Variants in CACNA2D3 observed in about 807,000 individuals in gnomAD.
The protein encoded by CACNA2D3 is voltage-dependent calcium channel subunit alpha-2/delta-3.
CACNA2D3 carries 60 observed loss-of-function variants against 160.6 expected under a neutral mutation model. That is an observed-to-expected ratio of 0.37 (90% confidence interval 0.30 to 0.46). The LOEUF (loss-of-function observed/expected upper bound fraction) is 0.46, where lower values mean the gene tolerates loss of function less well. CACNA2D3 is among the 20% of genes least tolerant of loss of function. The pLI is 1.00. For synonymous variants in CACNA2D3, 558 were observed against 492.9 expected (o/e 1.13, Z -1.75); for missense variants, 1,205 against 1,365.0 (o/e 0.88, Z 1.85).
At chr3:54,699,761 T>A (rs1559552879) in intron 11 of CACNA2D3, among the ~76,000 whole-genome samples, 1 of 152,176 alleles carries the variant, frequency 6.6e-6, no homozygotes, top group Non-Finnish European at 1.5e-5. Flanking sequence ...ATAGTAATAT[T>A]GACTTCATCC....
intron 2 of CACNA2D3, among the ~76,000 whole-genome samples, chr3:54,143,844 C>G (rs1285042628): frequency 1.3e-5 from 2 of 152,056 alleles, no homozygotes; most frequent in South Asian, 2.1e-4. Flanking sequence ...TTTTCTTTTG[C>G]TTACATGTAT....
chr3:54,755,417 A>G (rs1204651563), intron 12 of CACNA2D3, among the ~76,000 whole-genome samples: 2 of 152,150 alleles, frequency 1.3e-5, no homozygotes, highest in African/African-American at 4.8e-5. Flanking sequence ...TTCTTTAATT[A>G]TCTGCTTCTA....
intron 27 of CACNA2D3, among the ~76,000 whole-genome samples, chr3:54,909,648 T>A (rs1013111442): frequency 2.0e-5 from 3 of 147,028 alleles, no homozygotes; most frequent in African/African-American, 8.0e-5. Flanking sequence ...TTGTGATTTT[T>A]TTTTTTTTTT....
At chr3:54,860,328 C>G (rs1008762957) in intron 17 of CACNA2D3, among the ~76,000 whole-genome samples, 2 of 152,140 alleles carry the variant, frequency 1.3e-5, no homozygotes, top group Non-Finnish European at 2.9e-5. Flanking sequence ...TTAAAATATT[C>G]TGATTCTTCC....
intron 27 of CACNA2D3, among the ~76,000 whole-genome samples, chr3:54,940,650 G>A (rs1701442166): frequency 6.6e-6 from 1 of 151,240 alleles, no homozygotes; most frequent in Non-Finnish European, 1.5e-5. Flanking sequence ...TTTTCTGGGT[G>A]TGAATGCCTA....
chr3:54,664,465 T>C (rs1700028441), intron 11 of CACNA2D3, among the ~76,000 whole-genome samples: 1 of 152,236 alleles, frequency 6.6e-6, no homozygotes, highest in Admixed American at 6.5e-5. Flanking sequence ...GCTGGATTGC[T>C]TACTCCTCAC....
At chr3:54,265,655 TAGTGTATATATATAG>T (rs1559901404) in intron 2 of CACNA2D3, among the ~76,000 whole-genome samples, 1 of 70,020 alleles carries the variant, frequency 1.4e-5, no homozygotes, top group African/African-American at 4.7e-5. Flanking sequence ...TGTATATATA[TAGTGTATATATATAG>T]TGTGTGTATA....
intron 11 of CACNA2D3, among the ~76,000 whole-genome samples, chr3:54,715,639 G>T (rs1230108439): frequency 1.3e-5 from 2 of 152,038 alleles, no homozygotes; most frequent in Non-Finnish European, 2.9e-5. Context: ...CATCTCGTTA[G>T]CATACAAAAG....
chr3:54,296,192 G>A (rs939864663), intron 2 of CACNA2D3, among the ~76,000 whole-genome samples: 23 of 152,228 alleles, frequency 1.5e-4, no homozygotes, highest in African/African-American at 5.5e-4. Flanking sequence ...AGATGGATGT[G>A]AATTGAACTT....
chr3:54,261,222 T>A (rs1247955251), intron 2 of CACNA2D3, among the ~76,000 whole-genome samples: 2 of 152,244 alleles, frequency 1.3e-5, no homozygotes, highest in African/African-American at 4.8e-5. Context: ...TGGAATGGAA[T>A]ATTCACATGG....
intron 10 of CACNA2D3, among the ~76,000 whole-genome samples, chr3:54,636,642 G>A (rs527704810): frequency 1.4e-4 from 22 of 152,106 alleles, no homozygotes; most frequent in Non-Finnish European, 2.6e-4. Flanking sequence ...TACAGGGTGT[G>A]GTCCTGGCTC....
chr3:54,419,415 A>C (rs1195768643), intron 4 of CACNA2D3, among the ~76,000 whole-genome samples: 1 of 152,246 alleles, frequency 6.6e-6, no homozygotes, highest in Admixed American at 6.5e-5. Context: ...GTTGTTTTAC[A>C]CAAGTACCTT....
At chr3:54,270,937 T>C (rs538578436) in intron 2 of CACNA2D3, among the ~76,000 whole-genome samples, 3 of 152,356 alleles carry the variant, frequency 2.0e-5, no homozygotes, top group East Asian at 3.9e-4. Context: ...GAGGAAGCTC[T>C]CTGCTTTTAA....
intron 13 of CACNA2D3, among the ~76,000 whole-genome samples, chr3:54,792,804 G>T (rs1162856994): frequency 6.6e-6 from 1 of 152,120 alleles, no homozygotes; most frequent in Non-Finnish European, 1.5e-5. Context: ...TGATTGGCCA[G>T]GCAGGAGTCG....
chr3:54,744,137 T>C (rs764105939), intron 11 of CACNA2D3, among the ~76,000 whole-genome samples: 6 of 152,292 alleles, frequency 3.9e-5, no homozygotes, highest in Admixed American at 6.5e-5. Flanking sequence ...TCACTTCTGA[T>C]ATGACTATTC....
At chr3:54,255,849 A>G (rs1267996992) in intron 2 of CACNA2D3, among the ~76,000 whole-genome samples, 1 of 152,178 alleles carries the variant, frequency 6.6e-6, no homozygotes, top group African/African-American at 2.4e-5. Context: ...AGTCTTTTCT[A>G]AACACATTAC....
At chr3:54,168,076 T>C (rs971866065) in intron 2 of CACNA2D3, among the ~76,000 whole-genome samples, 5 of 152,220 alleles carry the variant, frequency 3.3e-5, no homozygotes, top group East Asian at 1.9e-4. Flanking sequence ...TTTCTTTCTT[T>C]CTTTCCTTTC....
intron 29 of CACNA2D3, among the ~76,000 whole-genome samples, chr3:54,983,937 A>G (rs1702559131): frequency 6.6e-6 from 1 of 152,138 alleles, no homozygotes; most frequent in Non-Finnish European, 1.5e-5. Context: ...AGTGTGGGGG[A>G]AGCAGAGGTT....
intron 2 of CACNA2D3, among the ~76,000 whole-genome samples, chr3:54,266,944 T>C (rs1702528366): frequency 6.6e-6 from 1 of 152,138 alleles, no homozygotes; most frequent in African/African-American, 2.4e-5. Context: ...TCTCTGTCTT[T>C]TGTTGACTTT....
Sources: gnomAD v4.1 joint callset for allele counts (sites outside exome capture counted in the v4.1 genomes callset) on GRCh38, gnomAD v4.1.1 for gene constraint, MANE v1.5 for transcripts, NCBI Gene and HGNC (gene_info 2026-07-23, HGNC 2026-07-21) for gene names.